Variants in CDH12 observed in about 807,000 individuals in gnomAD.
CDH12 encodes the protein cadherin-12.
In CDH12, 41 loss-of-function variants were observed where a neutral mutation model predicts 74.1. The ratio of observed to expected loss-of-function variants is 0.55; its 90% CI spans 0.43 to 0.72. CDH12 has a LOEUF of 0.72. Ranked by LOEUF, CDH12 falls within the 30% of genes least tolerant of loss-of-function variation. The pLI, the probability that CDH12 is intolerant of heterozygous loss-of-function variation, is 0.00. For missense variants in CDH12, 945 were observed against 977.2 expected, an observed-to-expected ratio of 0.97 and a Z score of 0.44; for synonymous variants, 399 against 355.0, an observed-to-expected ratio of 1.12 and a Z score of -1.39.
At chr5:22,317,124 C>A (rs1388163461) in intron 3 of CDH12, among the ~76,000 whole-genome samples, 3 of 152,096 alleles carry the variant, frequency 2.0e-5, no homozygotes, top group Non-Finnish European at 4.4e-5. Flanking sequence ...TCGAGACCAG[C>A]CTGGCCAACA....
At chr5:22,370,171 C>G (rs1396270648) in intron 3 of CDH12, among the ~76,000 whole-genome samples, 1 of 152,094 alleles carries the variant, frequency 6.6e-6, no homozygotes, top group Non-Finnish European at 1.5e-5. Context: ...TGCACATATT[C>G]AAGAGAAATT....
At chr5:22,053,512 ACGGTGGCTG>A (rs1740530910) in intron 5 of CDH12, among the ~76,000 whole-genome samples, 1 of 151,538 alleles carries the variant, frequency 6.6e-6, no homozygotes, top group Non-Finnish European at 1.5e-5. Flanking sequence ...TCTGTGTATC[ACGGTGGCTG>A]CCATTCTGGC....
intron 1 of CDH12, among the ~76,000 whole-genome samples, chr5:22,811,574 G>A (rs1749150505): frequency 6.6e-6 from 1 of 152,184 alleles, no homozygotes; most frequent in Admixed American, 6.5e-5. Flanking sequence ...TGATAGAGAT[G>A]AAGGATGTCA....
At chr5:22,175,228 A>G (rs1410226380) in intron 4 of CDH12, among the ~76,000 whole-genome samples, 3 of 151,958 alleles carry the variant, frequency 2.0e-5, no homozygotes, top group Admixed American at 6.6e-5. Flanking sequence ...ACAGATTATC[A>G]GTATTTGTTA....
intron 1 of CDH12, among the ~76,000 whole-genome samples, chr5:22,519,101 C>T (rs946360789): frequency 6.6e-6 from 1 of 152,112 alleles, no homozygotes; most frequent in Non-Finnish European, 1.5e-5. Flanking sequence ...AACTAGGACT[C>T]ATGTCAGACC....
intron 6 of CDH12, among the ~76,000 whole-genome samples, chr5:21,920,093 A>G (rs1259062388): frequency 2.0e-5 from 3 of 152,194 alleles, no homozygotes; most frequent in South Asian, 2.1e-4. Context: ...GGATAGAGAT[A>G]AAAGACATTC....
At chr5:22,608,389 A>C (rs1737226237) in intron 1 of CDH12, among the ~76,000 whole-genome samples, 1 of 152,110 alleles carries the variant, frequency 6.6e-6, no homozygotes, top group African/African-American at 2.4e-5. Flanking sequence ...GATTTCTCCC[A>C]TTTGGAACAG....
At chr5:22,416,091 T>A (rs1179106462) in intron 2 of CDH12, among the ~76,000 whole-genome samples, 1 of 58,380 alleles carries the variant, frequency 1.7e-5, no homozygotes, top group Non-Finnish European at 3.1e-5. Flanking sequence ...TTTTTTTTTT[T>A]TGAGACGGAG....
At chr5:21,911,230 C>A (rs1010577997) in intron 6 of CDH12, among the ~76,000 whole-genome samples, 2 of 152,040 alleles carry the variant, frequency 1.3e-5, no homozygotes, top group African/African-American at 2.4e-5. Context: ...TCATTAAAGT[C>A]ATAAACTAAA....
chr5:21,942,334 G>GTATATATATATATATATATATATATATA (rs761850084), intron 6 of CDH12, among the ~76,000 whole-genome samples: 5 of 107,004 alleles, frequency 4.7e-5, no homozygotes, highest in Non-Finnish European at 7.0e-5. Flanking sequence ...GACAAATACA[G>GTATATATATATATATATATATATATATA]TATATATATA....
chr5:22,252,941 A>G (rs545856043), intron 3 of CDH12, among the ~76,000 whole-genome samples: 1 of 151,896 alleles, frequency 6.6e-6, no homozygotes, highest in South Asian at 2.1e-4. Flanking sequence ...TGTTGGTGTC[A>G]TTACTGATTA....
chr5:22,532,689 C>G (rs1187616161), intron 1 of CDH12, among the ~76,000 whole-genome samples: 1 of 151,674 alleles, frequency 6.6e-6, no homozygotes, highest in Non-Finnish European at 1.5e-5. Context: ...TTAACAAAGT[C>G]TCAGATGTGA....
intron 2 of CDH12, among the ~76,000 whole-genome samples, chr5:22,438,765 A>G (rs1744507488): frequency 6.6e-6 from 1 of 151,976 alleles, no homozygotes; most frequent in Non-Finnish European, 1.5e-5. Flanking sequence ...TAGGCCTCTC[A>G]TAAAACTTGA....
chr5:22,309,049 A>G (rs150876177), intron 3 of CDH12, among the ~76,000 whole-genome samples: 52 of 152,298 alleles, frequency 3.4e-4, no homozygotes, highest in Non-Finnish European at 5.3e-4. Context: ...GCAACAAGAC[A>G]GAACCATACA....
chr5:22,289,683 ATAT>A (rs1353370523), intron 3 of CDH12, among the ~76,000 whole-genome samples: 3 of 152,164 alleles, frequency 2.0e-5, no homozygotes, highest in African/African-American at 7.2e-5. Context: ...GGTAGGAAGA[ATAT>A]TCTTAGATTA....
chr5:22,334,989 A>T (rs1371536949), intron 3 of CDH12, among the ~76,000 whole-genome samples: 2 of 152,208 alleles, frequency 1.3e-5, no homozygotes. Context: ...GCAAAAATTG[A>T]CAAATGGGGT....
At chr5:22,795,161 C>A (rs1220659832) in intron 1 of CDH12, among the ~76,000 whole-genome samples, 1 of 152,000 alleles carries the variant, frequency 6.6e-6, no homozygotes, top group Non-Finnish European at 1.5e-5. Context: ...ATGTCACCTG[C>A]CAAAGACCTT....
chr5:22,513,175 G>T (rs1335960940), intron 1 of CDH12, among the ~76,000 whole-genome samples: 1 of 152,138 alleles, frequency 6.6e-6, no homozygotes, highest in Non-Finnish European at 1.5e-5. Flanking sequence ...GAACTGAAGT[G>T]CATCTGTGGT....
intron 4 of CDH12, among the ~76,000 whole-genome samples, chr5:22,208,827 C>T (rs4492079): frequency 0.98 from 148,832 of 152,252 alleles, 72,860 homozygotes; most frequent in East Asian, 1. Context: ...ACAATATTGT[C>T]CTTTATAGAT....
Sources: gnomAD v4.1 joint callset for allele counts (sites outside exome capture counted in the v4.1 genomes callset) on GRCh38, gnomAD v4.1.1 for gene constraint, MANE v1.5 for transcripts, NCBI Gene and HGNC (gene_info 2026-07-23, HGNC 2026-07-21) for gene names.